Variants in RASSF3 observed in about 807,000 individuals in gnomAD.
The protein encoded by RASSF3 is Ras association domain family member 3.
A neutral mutation model predicts 19.9 loss-of-function variants in RASSF3; 19 were observed. The ratio of observed to expected loss-of-function variants is 0.96; its 90% CI spans 0.67 to 1.40. The LOEUF (loss-of-function observed/expected upper bound fraction) is 1.40. RASSF3 is among the 40% of genes most tolerant of loss of function. The pLI is 0.00. For synonymous variants in RASSF3, 110 were observed against 104.2 expected (o/e 1.06, Z -0.34); for missense variants, 306 against 289.8 (o/e 1.06, Z -0.41).
chr12:64,653,058 G>A (rs972958741), intron 1 of RASSF3, among the ~76,000 whole-genome samples: 1 of 152,104 alleles, frequency 6.6e-6, no homozygotes, highest in African/African-American at 2.4e-5. Flanking sequence ...CTCTGTACAT[G>A]TCTGTGTCCG....
chr12:64,673,698 C>T (rs1183574913), intron 1 of RASSF3, among the ~76,000 whole-genome samples: 1 of 152,140 alleles, frequency 6.6e-6, no homozygotes, highest in Non-Finnish European at 1.5e-5. Context: ...AATAATCTTT[C>T]CTTTCTTACA....
At chr12:64,692,594 G>C (rs564714390) in intron 4 of RASSF3, among the ~76,000 whole-genome samples, 2 of 152,110 alleles carry the variant, frequency 1.3e-5, no homozygotes, top group Non-Finnish European at 2.9e-5. Flanking sequence ...ATCTGACTTG[G>C]CTTTGCAGAT....
intron 1 of RASSF3, among the ~76,000 whole-genome samples, chr12:64,673,369 A>G (rs1474743742): frequency 6.6e-6 from 1 of 151,888 alleles, no homozygotes; most frequent in African/African-American, 2.4e-5. Context: ...AATGTTTTCA[A>G]TTTTCTTACT....
intron 1 of RASSF3, chr12:64,533,561 G>T (rs1403331063): frequency 6.6e-6 from 1 of 152,190 alleles, no homozygotes; most frequent in Non-Finnish European, 1.5e-5. Context: ...AGGCAAACGT[G>T]CTTTCAAATG....
Position 64,695,044 on chromosome 12 carries a change from T to G in RASSF3, c.*132T>G. The G allele has an allele frequency of 1.0e-6, 1 of 994,674 alleles. No homozygotes were observed. The highest frequency in any genetic ancestry group is 1.4e-6 in the Non-Finnish European group (1 of 691,232). 61.6% of individuals were successfully genotyped at this position (994,674 alleles called of 1,614,324 possible). A position where few individuals can be genotyped will look rare whatever the true frequency, so the allele number is the denominator to read the frequency against. On this transcript the variant is annotated 3_prime_UTR_variant, in exon 5 of 5. Coordinates refer to ENST00000542104, the MANE Select transcript of RASSF3 (RefSeq NM_178169.4). The stretch of plus-strand genomic sequence containing the variant: ...TTCGCCTTTCTATCTGTAGATTTTG[T>G]TCCCCAAACCTGGTCACACAGCATC...
intron 1 of RASSF3, among the ~76,000 whole-genome samples, chr12:64,665,132 C>G (rs765033005): frequency 4.7e-4 from 72 of 152,128 alleles, no homozygotes; most frequent in Non-Finnish European, 7.5e-4. Flanking sequence ...AGAAAGACAG[C>G]GCAGTGGAAG....
intron 2 of RASSF3, among the ~76,000 whole-genome samples, chr12:64,572,882 G>T (rs1869542236): frequency 6.6e-6 from 1 of 152,066 alleles, no homozygotes; most frequent in South Asian, 2.1e-4. Flanking sequence ...GAATTCAAAG[G>T]TCGATAAAAT....
chr12:64,602,717 C>G (rs1374423356), intron 2 of RASSF3, among the ~76,000 whole-genome samples: 4 of 152,024 alleles, frequency 2.6e-5, no homozygotes, highest in African/African-American at 9.7e-5. Flanking sequence ...GAGATCCAAT[C>G]TCTAAAAATG....
chr12:64,543,691 C>T (rs953491211), downstream of RASSF3, among the ~76,000 whole-genome samples: 11 of 151,418 alleles, frequency 7.3e-5, no homozygotes, highest in East Asian at 2.0e-3. Context: ...AGTGCGCGAT[C>T]CACTGGGTGA....
In RASSF3 at chr12:64,688,248, A is replaced by G; in HGVS notation, c.252A>G (p.Lys84=). The G allele has an allele frequency of 6.2e-7, 1 of 1,614,168 alleles. No homozygotes were observed. Among genetic ancestry groups the G allele is most frequent in the Non-Finnish European group, 8.5e-7 (1 of 1,179,978 alleles). Residue 84 remains lysine, a synonymous_variant, in exon 3 of 5, where the codon AAA becomes AAG. Coordinates refer to ENST00000542104, the MANE Select transcript of RASSF3 (RefSeq NM_178169.4). ...ATGGGATTTACACTGGCTTCATTAA[A>G]GTACAGATGGAACTCTGCAAACCTC... is the stretch of plus-strand genomic sequence containing the variant. ...NSNGIYTGFI[K]VQMELCKPPQ...
At chr12:64,670,055 G>T (rs1171196399) in intron 1 of RASSF3, among the ~76,000 whole-genome samples, 1 of 151,174 alleles carries the variant, frequency 6.6e-6, no homozygotes, top group Non-Finnish European at 1.5e-5. Flanking sequence ...GGATAGAGAA[G>T]CTTTTTTATT....
chr12:64,675,899 C>T (rs1872880761), intron 1 of RASSF3, among the ~76,000 whole-genome samples: 1 of 151,890 alleles, frequency 6.6e-6, no homozygotes, highest in Non-Finnish European at 1.5e-5. Flanking sequence ...AGAGCCCCAC[C>T]CTGTATCCTG....
At chr12:64,556,145 C>T (rs1869252974) in intron 2 of RASSF3, among the ~76,000 whole-genome samples, 1 of 152,058 alleles carries the variant, frequency 6.6e-6, no homozygotes, top group African/African-American at 2.4e-5. Context: ...TCTGAGGGTG[C>T]AGCACAGTTC....
intron 1 of RASSF3, among the ~76,000 whole-genome samples, chr12:64,673,188 G>T (rs1217022253): frequency 1.2e-4 from 19 of 152,162 alleles, no homozygotes. Flanking sequence ...TGAATGAGTG[G>T]ACTATGGCTT....
At position 64,695,058 on chromosome 12, in the gene RASSF3, T is replaced by C; in HGVS notation, c.*146T>C. The C allele has an allele frequency of 1.2e-6, 1 of 802,028 alleles. No homozygotes were observed. The highest frequency in any genetic ancestry group is 1.9e-6 in the Non-Finnish European group (1 of 519,220). 49.7% of individuals were successfully genotyped at this position (802,028 alleles called of 1,614,324 possible). A position where few individuals can be genotyped will look rare whatever the true frequency, so the allele number is the denominator to read the frequency against. On this transcript the variant is annotated 3_prime_UTR_variant, in exon 5 of 5. Transcript: ENST00000542104. ...TGTAGATTTTGTTCCCCAAACCTGG[T>C]CACACAGCATCCTGCACCTTAGCGT...
chr12:64,530,483 T>C (rs1003667704), upstream of RASSF3, among the ~76,000 whole-genome samples: 15 of 152,150 alleles, frequency 9.9e-5, no homozygotes, highest in Admixed American at 7.2e-4. Context: ...TGATGGACAT[T>C]TGAGTTGTTT....
At chr12:64,545,219 T>C (rs1869033649), downstream of RASSF3, among the ~76,000 whole-genome samples, 1 of 152,160 alleles carries the variant, frequency 6.6e-6, no homozygotes, top group African/African-American at 2.4e-5. Context: ...GCGAGGATAA[T>C]AGAGGTATTA....
At chr12:64,634,625 G>T (rs1247053675) in intron 1 of RASSF3, among the ~76,000 whole-genome samples, 2 of 151,926 alleles carry the variant, frequency 1.3e-5, no homozygotes, top group African/African-American at 4.8e-5. Context: ...GCCCTGCGTG[G>T]TGACAGGCAC....
intron 1 of RASSF3, among the ~76,000 whole-genome samples, chr12:64,539,546 G>A (rs1405393768): frequency 6.6e-6 from 1 of 152,078 alleles, no homozygotes; most frequent in African/African-American, 2.4e-5. Flanking sequence ...GGAGGCCAAG[G>A]GGGCGGATCA....
Sources: gnomAD v4.1 joint callset for allele counts (sites outside exome capture counted in the v4.1 genomes callset) on GRCh38, gnomAD v4.1.1 for gene constraint, MANE v1.5 for transcripts, NCBI Gene and HGNC (gene_info 2026-07-23, HGNC 2026-07-21) for gene names.